PTN: variants seen among roughly 807,000 people sequenced by gnomAD.
PTN encodes the protein heparin affin regulatory protein.
PTN carries 18 observed loss-of-function variants against 24.1 expected under a neutral mutation model. The observed-to-expected ratio is 0.75, with a 90% CI of 0.52 to 1.11. PTN has a LOEUF of 1.11. PTN is among the 50% of genes least tolerant of loss of function. The probability of loss-of-function intolerance (pLI) is 0.00; values close to 1 mark genes in which losing one functional copy is unlikely to be tolerated. For synonymous variants in PTN, 78 were observed against 68.6 expected (o/e 1.14, Z -0.67); for missense variants, 163 against 198.8 (o/e 0.82, Z 1.08).
intron 1 of PTN, among the ~76,000 whole-genome samples, chr7:137,292,918 A>G (rs1236227443): frequency 6.6e-6 from 1 of 152,182 alleles, no homozygotes. Context: ...AAGTAATCAA[A>G]ATGTGAAATA....
chr7:137,288,473 T>C (rs912930428), intron 1 of PTN, among the ~76,000 whole-genome samples: 1 of 152,234 alleles, frequency 6.6e-6, no homozygotes, highest in Non-Finnish European at 1.5e-5. Flanking sequence ...TTATTATTTA[T>C]GCTTTAAAGG....
intron 1 of PTN, among the ~76,000 whole-genome samples, chr7:137,331,114 C>T (rs562883621): frequency 6.6e-6 from 1 of 152,126 alleles, no homozygotes; most frequent in Admixed American, 6.6e-5. Flanking sequence ...CTGCCTTTGA[C>T]ATAAAGGGCT....
chr7:137,340,783 T>C (rs1810521149), intron 1 of PTN, among the ~76,000 whole-genome samples: 1 of 152,160 alleles, frequency 6.6e-6, no homozygotes, highest in Admixed American at 6.5e-5. Flanking sequence ...AGCCTCATGC[T>C]CCAGAGAAAA....
intron 1 of PTN, among the ~76,000 whole-genome samples, chr7:137,276,887 A>C (rs1563209180): frequency 6.6e-6 from 1 of 152,218 alleles, no homozygotes; most frequent in Non-Finnish European, 1.5e-5. Context: ...ATACTTAGAA[A>C]TATCAGAGCC....
intron 1 of PTN, among the ~76,000 whole-genome samples, chr7:137,337,713 T>G (rs320718): frequency 1 from 151,633 of 152,318 alleles, 75,480 homozygotes; most frequent in East Asian, 1. Flanking sequence ...ATGACATTTG[T>G]AATGAAGGGA....
chr7:137,336,516 G>A (rs981564338), intron 1 of PTN, among the ~76,000 whole-genome samples: 16 of 152,116 alleles, frequency 1.1e-4, no homozygotes, highest in South Asian at 4.1e-4. Context: ...AGTCTGCATC[G>A]GAGACTTTGC....
At chr7:137,340,447 C>T (rs1810516282) in intron 1 of PTN, among the ~76,000 whole-genome samples, 1 of 152,110 alleles carries the variant, frequency 6.6e-6, no homozygotes, top group Non-Finnish European at 1.5e-5. Flanking sequence ...AAAAATAGCC[C>T]AGTGGGTGGA....
intron 1 of PTN, among the ~76,000 whole-genome samples, chr7:137,264,944 T>C (rs1809112026): frequency 1.3e-5 from 2 of 151,728 alleles, no homozygotes; most frequent in African/African-American, 4.8e-5. Context: ...GCCAGGACCT[T>C]ACAGTCTGGG....
intron 4 of PTN, among the ~76,000 whole-genome samples, chr7:137,228,980 G>A (rs1808382629): frequency 6.6e-6 from 1 of 151,798 alleles, no homozygotes; most frequent in Admixed American, 6.6e-5. Context: ...GACTGCTGAA[G>A]TTTAAATCCT....
At chr7:137,266,864 T>C (rs1254129491) in intron 1 of PTN, among the ~76,000 whole-genome samples, 1 of 126,316 alleles carries the variant, frequency 7.9e-6, no homozygotes, top group South Asian at 2.6e-4. Flanking sequence ...TTTGTATAGA[T>C]GGCCTTTTTT....
chr7:137,288,158 T>C (rs1809586448), intron 1 of PTN, among the ~76,000 whole-genome samples: 3 of 152,276 alleles, frequency 2.0e-5, no homozygotes, highest in South Asian at 4.1e-4. Flanking sequence ...TATAATAGTT[T>C]AGTGAGATGA....
chr7:137,239,183 T>C (rs1808575822), intron 4 of PTN, among the ~76,000 whole-genome samples: 1 of 152,108 alleles, frequency 6.6e-6, no homozygotes, highest in African/African-American at 2.4e-5. Context: ...AACACACAAA[T>C]GACTCTGATC....
chr7:137,271,546 T>C (rs756096908), intron 1 of PTN, among the ~76,000 whole-genome samples: 2 of 152,258 alleles, frequency 1.3e-5, no homozygotes, highest in Non-Finnish European at 2.9e-5. Flanking sequence ...CTCTTTATAA[T>C]ATAACTGTGA....
chr7:137,321,939 T>G (rs964903162), intron 1 of PTN, among the ~76,000 whole-genome samples: 7 of 152,172 alleles, frequency 4.6e-5, no homozygotes, highest in African/African-American at 1.7e-4. Context: ...AAATACAGTG[T>G]ACAATAAGTT....
intron 1 of PTN, among the ~76,000 whole-genome samples, chr7:137,308,426 T>C (rs1321847588): frequency 6.6e-6 from 1 of 152,186 alleles, no homozygotes; most frequent in Non-Finnish European, 1.5e-5. Context: ...CATACATATA[T>C]ACAAACTACA....
At chr7:137,315,546 G>A (rs528702080) in intron 1 of PTN, among the ~76,000 whole-genome samples, 50 of 152,262 alleles carry the variant, frequency 3.3e-4, no homozygotes, top group African/African-American at 1.1e-3. Flanking sequence ...CAGTTCTCTC[G>A]TGGGCAAGTT....
intron 1 of PTN, among the ~76,000 whole-genome samples, chr7:137,265,321 G>C (rs1339179363): frequency 6.6e-6 from 1 of 152,126 alleles, no homozygotes; most frequent in Non-Finnish European, 1.5e-5. Flanking sequence ...CAGGGTGAAA[G>C]GGATAGCCAA....
intron 1 of PTN, among the ~76,000 whole-genome samples, chr7:137,277,901 G>GAT (rs1367007098): frequency 4.2e-3 from 5 of 1,194 alleles, no homozygotes; most frequent in Non-Finnish European, 9.0e-3. Flanking sequence ...ATAGATAGAT[G>GAT]AGATGATAGA....
chr7:137,340,604 C>T (rs760347980), intron 1 of PTN, among the ~76,000 whole-genome samples: 6 of 152,208 alleles, frequency 3.9e-5, no homozygotes, highest in Admixed American at 6.5e-5. Flanking sequence ...CATCTTACTT[C>T]GCCTCCCACA....
Sources: allele counts gnomAD v4.1 joint callset (sites outside exome capture counted in the v4.1 genomes callset), GRCh38; gene constraint gnomAD v4.1.1; transcripts MANE v1.5; gene names NCBI Gene and HGNC (gene_info 2026-07-23, HGNC 2026-07-21).